The following SEC23IP variants were observed in gnomAD, a reference collection of about 807,000 sequenced individuals.
SEC23IP encodes SEC23-interacting protein.
In SEC23IP, 70 loss-of-function variants were observed where a neutral mutation model predicts 113.4. That is an observed-to-expected ratio of 0.62 (90% CI 0.51 to 0.75). The LOEUF (loss-of-function observed/expected upper bound fraction) is 0.75. Ranked by LOEUF, SEC23IP falls within the 30% of genes least tolerant of loss-of-function variation. SEC23IP has a pLI of 0.00. For synonymous variants in SEC23IP, 398 were observed against 421.0 expected (o/e 0.95, Z 0.67); for missense variants, 1,160 against 1,204.9 (o/e 0.96, Z 0.55).
At position 119,912,902 on chromosome 10, in the gene SEC23IP, A is replaced by G. The variant is rs148445907; in HGVS notation, c.1312+738A>G. 6.6e-5 allele frequency among the ~76,000 whole-genome samples: 10 copies of G among 152,212 alleles called. No individual in the cohort carries two copies. The East Asian group carries it at 1.7e-3, about 26-fold the overall frequency. On this transcript the variant is annotated intron_variant, in intron 6 of 18. Coordinates refer to ENST00000369075, the MANE Select transcript of SEC23IP (RefSeq NM_007190.4). ...GTCATCCACCTGCCTCAGCCTCCCA[A>G]AGTGCTGGGATTATAGGTGTGAGCC... is the stretch of plus-strand genomic sequence containing the variant.
At chr10:119,935,930 G>A (rs1281771216) in intron 18 of SEC23IP, among the ~76,000 whole-genome samples, 1 of 152,200 alleles carries the variant, frequency 6.6e-6, no homozygotes, top group Non-Finnish European at 1.5e-5. Context: ...GAACATGAGA[G>A]TGACCTCGTT....
At chr10:119,917,715 A>C in intron 8 of SEC23IP, 121 bp from the exon 9 acceptor site, 1 of 685,936 alleles carries the variant, frequency 1.5e-6, no homozygotes. Context: ...CTACAGAAAC[A>C]ACTCATAGTC....
At chr10:119,906,977 T>C (rs1854691896) in intron 4 of SEC23IP, among the ~76,000 whole-genome samples, 1 of 152,020 alleles carries the variant, frequency 6.6e-6, no homozygotes, top group African/African-American at 2.4e-5. Context: ...TTTTTTTTTT[T>C]TTTAAATCGA....
intron 2 of SEC23IP, among the ~76,000 whole-genome samples, chr10:119,901,077 G>T (rs1364762446): frequency 6.8e-6 from 1 of 147,926 alleles, no homozygotes; most frequent in African/African-American, 2.5e-5. Context: ...ATCCAGGGTG[G>T]AGTGCAGTGG....
At chr10:119,925,460 G>T (rs186818596) in intron 12 of SEC23IP, among the ~76,000 whole-genome samples, 1 of 152,166 alleles carries the variant, frequency 6.6e-6, no homozygotes. Context: ...TTTTTCTTAA[G>T]AATTTTAAAC....
chr10:119,912,985 T>G (rs2134482253), intron 6 of SEC23IP, among the ~76,000 whole-genome samples: 1 of 152,304 alleles, frequency 6.6e-6, no homozygotes, highest in African/African-American at 2.4e-5. Context: ...TGTTAACTGT[T>G]GTCACCCTAC....
chr10:119,918,995 A>T (rs1018748164), intron 10 of SEC23IP, among the ~76,000 whole-genome samples: 17 of 143,794 alleles, frequency 1.2e-4, no homozygotes, highest in African/African-American at 3.4e-4. Context: ...AGAATATTCA[A>T]TTTTTTTTTT....
At chr10:119,918,822 C>T (rs1855141315) in intron 10 of SEC23IP, among the ~76,000 whole-genome samples, 1 of 152,074 alleles carries the variant, frequency 6.6e-6, no homozygotes, top group African/African-American at 2.4e-5. Context: ...TATTAAAGTA[C>T]ACCGAGGTTT....
intron 5 of SEC23IP, among the ~76,000 whole-genome samples, chr10:119,910,974 C>T (rs1014752084): frequency 7.9e-5 from 12 of 151,420 alleles, no homozygotes; most frequent in African/African-American, 1.5e-4. Flanking sequence ...TGTGAGCCAA[C>T]ACGCTTGGCT....
Position 119,919,492 on chromosome 10 carries a change from G to T in SEC23IP, c.1921G>T (p.Val641Phe), listed in dbSNP as rs753476103. Residue 641 changes from valine (V) to phenylalanine (F), a missense_variant, in exon 11 of 19, where the codon GTT (valine) becomes TTT (phenylalanine). Coordinates refer to ENST00000369075, the MANE Select transcript of SEC23IP (RefSeq NM_007190.4). ...LTLDESYDLVVENKEVLTLQE... is the reference protein window; with the variant it reads ...LTLDESYDLVFENKEVLTLQE... The stretch of plus-strand genomic sequence containing the variant: ...TTTGGATGAGTCGTATGACCTTGTT[G>T]TTGAAAATAAAGAAGTCCTAACTTT... 4 of 1,613,104 alleles carry T rather than the reference G, an allele frequency of 2.5e-6. No homozygotes were observed. In the African/African-American group the frequency reaches 4.0e-5, roughly 16 times the overall value.
In SEC23IP at chr10:119,944,079, C is replaced by T. The variant is rs1856022380; in HGVS notation, c.*3514C>T. ...TGGTGTCAGTGATAATGATTTGGCTCTGTGTCCCCACCCAAATCTCATCTT... is the reference window on the plus strand; with the variant it reads ...TGGTGTCAGTGATAATGATTTGGCTTTGTGTCCCCACCCAAATCTCATCTT... On this transcript the variant is annotated 3_prime_UTR_variant, in exon 19 of 19. Coordinates refer to ENST00000369075, the MANE Select transcript of SEC23IP (RefSeq NM_007190.4). 1 of 152,224 alleles carries T rather than the reference C, an allele frequency of 6.6e-6. No homozygotes were observed. The highest frequency in any genetic ancestry group is 2.4e-5 in the African/African-American group (1 of 41,430). The allele number at this position is 152,224 out of a possible 1,614,324, so 9.4% of individuals were successfully genotyped here. A position where few individuals can be genotyped will look rare whatever the true frequency, so the allele number is the denominator to read the frequency against.
At chr10:119,919,324 T>C in intron 10 of SEC23IP, 120 bp from the exon 11 acceptor site, 1 of 914,142 alleles carries the variant, frequency 1.1e-6, no homozygotes, top group Non-Finnish European at 1.6e-6. Context: ...GGCAAAGTAC[T>C]GTGCCTAAAA....
chr10:119,898,823 CT>C lies in SEC23IP; in HGVS notation c.561del (p.Gly188AlafsTer92). 1 of 1,614,052 alleles carries C rather than the reference CT, an allele frequency of 6.2e-7. No individual in the cohort carries two copies. Among genetic ancestry groups the C allele is most frequent in the Non-Finnish European group, 8.5e-7 (1 of 1,180,032 alleles). Reference sequence around the variant, plus strand: ...GGATACAATCCATATCGCCATACCCCTGGCAGCAGCAGGGCTAATCCTTACA... The same window carrying C: ...GGATACAATCCATATCGCCATACCCCGGCAGCAGCAGGGCTAATCCTTACA... ...QPGYNPYRHT[P>X]GSSRANPYIA... On this transcript the variant is annotated frameshift_variant, in exon 2 of 19. Coordinates refer to ENST00000369075, the MANE Select transcript of SEC23IP (RefSeq NM_007190.4). LOFTEE classifies it high-confidence loss of function.
At position 119,926,107 on chromosome 10, in the gene SEC23IP, G is replaced by T; in HGVS notation, c.2193G>T (p.Lys731Asn). 1 of 1,614,162 alleles carries T rather than the reference G, an allele frequency of 6.2e-7. No individual in the cohort carries two copies. The highest frequency in any genetic ancestry group is 8.5e-7 in the Non-Finnish European group (1 of 1,180,010). ...STKGQEQSAQKTKDMASLPSE... is the reference protein window; with the variant it reads ...STKGQEQSAQNTKDMASLPSE... Reference sequence around the variant, plus strand: ...AAGGACAAGAGCAAAGTGCCCAGAAGACTAAAGACATGGCTTCCCTCCCCT... The same window carrying T: ...AAGGACAAGAGCAAAGTGCCCAGAATACTAAAGACATGGCTTCCCTCCCCT... Residue 731 changes from lysine to asparagine, a missense_variant, in exon 13 of 19, where the codon AAG becomes AAT. Coordinates refer to ENST00000369075, the MANE Select transcript of SEC23IP (RefSeq NM_007190.4).
chr10:119,904,150 A>G lies in SEC23IP; in HGVS notation c.974A>G (p.Asp325Gly), dbSNP rs60602972. The G allele has an allele frequency of 1.2e-6, 2 of 1,614,210 alleles. No homozygotes were observed. Among genetic ancestry groups the G allele is most frequent in the African/African-American group, 2.7e-5 (2 of 75,058 alleles). Residue 325 changes from aspartate to glycine, a missense_variant, in exon 4 of 19, where the codon GAC (aspartate) becomes GGC (glycine). By Grantham distance (94) the Asp-to-Gly change is moderately conservative. Coordinates refer to ENST00000369075, the MANE Select transcript of SEC23IP (RefSeq NM_007190.4). Reference sequence around the variant, plus strand: ...GGGCGCTACGATGTTTACCTCTATGACCGAATAAGGAAGGCTGCCTACTGG... The same window carrying G: ...GGGCGCTACGATGTTTACCTCTATGGCCGAATAAGGAAGGCTGCCTACTGG... ...DGGRYDVYLY[D>G]RIRKAAYWEE...
At chr10:119,895,468 C>T (rs999061511) in intron 1 of SEC23IP, among the ~76,000 whole-genome samples, 3 of 152,126 alleles carry the variant, frequency 2.0e-5, no homozygotes, top group African/African-American at 7.2e-5. Flanking sequence ...ACAGCCCTGC[C>T]CTCAATGACT....
rs372551457 is a variant in SEC23IP, at chr10:119,933,156, C to G, written c.2910C>G (p.His970Gln). 1.2e-6 allele frequency: 2 copies of G among 1,613,736 alleles called. No individual in the cohort carries two copies. Among genetic ancestry groups the G allele is most frequent in the Non-Finnish European group, 1.7e-6 (2 of 1,179,884 alleles). ...FNEYLFALQS[H>Q]LCYWESEDTA... is the part of the protein sequence containing the mutation. Reference sequence around the variant, plus strand: ...AATACCTTTTCGCTCTTCAGAGTCACTTATGCTATTGGTAAGTGTTCTTAA... The same window carrying G: ...AATACCTTTTCGCTCTTCAGAGTCAGTTATGCTATTGGTAAGTGTTCTTAA... Residue 970 changes from histidine to glutamine, a missense_variant, in exon 17 of 19, where the codon CAC (histidine) becomes CAG (glutamine). Physicochemically the swap from His to Gln is conservative, Grantham distance 24. Transcript: ENST00000369075.
intron 5 of SEC23IP, among the ~76,000 whole-genome samples, chr10:119,909,712 C>T (rs972422641): frequency 3.3e-5 from 5 of 152,012 alleles, no homozygotes; most frequent in South Asian, 2.1e-4. Context: ...GCCTGGGAAA[C>T]AAAGAGACTC....
At position 119,894,401 on chromosome 10, in the gene SEC23IP, T is replaced by G. The variant is rs542857333; in HGVS notation, c.163+1456T>G. ...CTGTACATGAAGGTTCCCCTGCCCA[T>G]GTGTTATGTTTCTTCTTGATGCTTG... is the stretch of plus-strand genomic sequence containing the variant. On this transcript the variant is annotated intron_variant, in intron 1 of 18. Transcript: ENST00000369075. Among the ~76,000 whole-genome samples the G allele has an allele frequency of 3.0e-4, 45 of 152,344 alleles. 1 individual carries two copies. The South Asian group carries it at 8.9e-3, about 30-fold the overall frequency.
Sources: allele counts gnomAD v4.1 joint callset (sites outside exome capture counted in the v4.1 genomes callset), GRCh38; gene constraint gnomAD v4.1.1; transcripts MANE v1.5; gene names NCBI Gene and HGNC (gene_info 2026-07-23, HGNC 2026-07-21).